The following TENT2 variants were observed in gnomAD, a reference collection of about 807,000 sequenced individuals.
TENT2 encodes terminal nucleotidyltransferase 2, also known as poly(A) RNA polymerase GLD2.
TENT2 carries 44 observed loss-of-function variants against 72.2 expected under a neutral mutation model. The observed-to-expected ratio is 0.61, with a 90% CI of 0.48 to 0.78. TENT2 has a LOEUF of 0.78. Among genes scored for constraint, TENT2 ranks in the 30% least tolerant of loss-of-function variants. The pLI is 0.00. For synonymous variants in TENT2, 212 were observed against 192.5 expected, an observed-to-expected ratio of 1.10 and a Z score of -0.84; for missense variants, 541 against 569.6, an observed-to-expected ratio of 0.95 and a Z score of 0.51.
intron 12 of TENT2, among the ~76,000 whole-genome samples, chr5:79,678,780 A>G (rs182110924): frequency 4.2e-4 from 64 of 152,372 alleles, no homozygotes; most frequent in African/African-American, 1.5e-3. Context: ...AACAAAAACT[A>G]TTTAATAACA....
At chr5:79,641,749 T>G (rs1439308528) in intron 6 of TENT2, among the ~76,000 whole-genome samples, 1 of 152,000 alleles carries the variant, frequency 6.6e-6, no homozygotes, top group African/African-American at 2.4e-5. Flanking sequence ...TGTGTTAATT[T>G]AGTACAGGTT....
intron 12 of TENT2, among the ~76,000 whole-genome samples, chr5:79,671,411 T>C (rs553337914): frequency 4.1e-5 from 6 of 147,956 alleles, no homozygotes; most frequent in African/African-American, 1.5e-4. Flanking sequence ...TTCTTTTTCT[T>C]TTTTTTTTTT....
At chr5:79,618,594 GT>G (rs565501903) in intron 1 of TENT2, among the ~76,000 whole-genome samples, 6 of 149,112 alleles carry the variant, frequency 4.0e-5, no homozygotes, top group South Asian at 2.1e-4. Flanking sequence ...ATTAATCTGA[GT>G]TTTTTTTTTG....
Position 79,648,662 on chromosome 5 carries a change from A to C in TENT2, c.867A>C (p.Arg289Ser), listed in dbSNP as rs761741199. The change falls in exon 9 of 15, where the codon AGA becomes AGC. Residue 289 changes from arginine (R) to serine (S), a missense_variant. By Grantham distance (110) the Arg-to-Ser change is moderately radical. Coordinates refer to ENST00000453514, the MANE Select transcript of TENT2 (RefSeq NM_001114394.3). Reference protein sequence around the residue: ...DLNVNNIVGIRNTFLLRTYAY... With the variant: ...DLNVNNIVGISNTFLLRTYAY... ...ATGTAAACAATATTGTTGGAATAAG[A>C]AACACATTCCTTCTCAGAACTTATG... 6.3e-6 allele frequency: 10 copies of C among 1,597,926 alleles called. No homozygotes were observed. The highest frequency in any genetic ancestry group is 8.5e-6 in the Non-Finnish European group (10 of 1,172,010).
At chr5:79,668,372 CAAAAG>C (rs1451120441) in intron 11 of TENT2, among the ~76,000 whole-genome samples, 6 of 152,000 alleles carry the variant, frequency 3.9e-5, no homozygotes, top group South Asian at 4.2e-4. Context: ...GATACAGAAA[CAAAAG>C]AAAGCAAAAT....
rs774972126 is a variant in TENT2, at chr5:79,685,317, A to T, written c.*44A>T. ...TAAATTCTTCCAAGAAATAAAGAAC[A>T]ATAGTTTCATCATAATACATTATGT... On this transcript the variant is annotated 3_prime_UTR_variant, in exon 15 of 15. Transcript: ENST00000453514. The T allele has an allele frequency of 2.9e-6, 4 of 1,392,292 alleles. No homozygotes were observed. In the African/African-American group the frequency reaches 4.4e-5, roughly 15 times the overall value. 86.2% of individuals were successfully genotyped at this position (1,392,292 alleles called of 1,614,324 possible). A position where few individuals can be genotyped will look rare whatever the true frequency, so the allele number is the denominator to read the frequency against.
chr5:79,625,294 T>C (rs899844613), intron 4 of TENT2, among the ~76,000 whole-genome samples: 3 of 152,252 alleles, frequency 2.0e-5, no homozygotes, highest in Non-Finnish European at 2.9e-5. Flanking sequence ...TTATGCATTC[T>C]ACATATTAGA....
intron 1 of TENT2, among the ~76,000 whole-genome samples, chr5:79,617,899 C>A (rs1761608136): frequency 6.6e-6 from 1 of 152,100 alleles, no homozygotes; most frequent in South Asian, 2.1e-4. Context: ...TCTGAAACTT[C>A]AATATAATAT....
intron 4 of TENT2, among the ~76,000 whole-genome samples, chr5:79,630,317 G>A (rs182348715): frequency 1.3e-5 from 2 of 152,222 alleles, no homozygotes; most frequent in African/African-American, 4.8e-5. Context: ...TGGGAGCCAG[G>A]CGCAGTGGCT....
intron 2 of TENT2, 89 bp from the exon 3 acceptor site, chr5:79,619,905 C>T (rs1763390608): frequency 4.2e-6 from 6 of 1,442,320 alleles, no homozygotes; most frequent in South Asian, 2.6e-5. Context: ...TTTTTTGATA[C>T]GGATGTATTT....
chr5:79,637,469 C>A (rs558973972), intron 4 of TENT2, among the ~76,000 whole-genome samples: 4 of 151,982 alleles, frequency 2.6e-5, no homozygotes, highest in Non-Finnish European at 2.9e-5. Flanking sequence ...CTCTGTTGCC[C>A]AGGCTGGAGT....
At chr5:79,678,833 A>G (rs1198603441) in intron 12 of TENT2, among the ~76,000 whole-genome samples, 1 of 152,230 alleles carries the variant, frequency 6.6e-6, no homozygotes, top group East Asian at 1.9e-4. Flanking sequence ...TTAACAAATA[A>G]CAGATTGTTA....
chr5:79,632,605 G>C (rs1170481896), intron 4 of TENT2, among the ~76,000 whole-genome samples: 1 of 151,964 alleles, frequency 6.6e-6, no homozygotes, highest in Non-Finnish European at 1.5e-5. Flanking sequence ...GGTTTTTCTT[G>C]GTATTGATTG....
chr5:79,685,095 A>G (rs528586018), intron 14 of TENT2, 104 bp from the exon 15 acceptor site: 1 of 913,450 alleles, frequency 1.1e-6, no homozygotes, highest in African/African-American at 1.7e-5. Context: ...ATTATTCAAA[A>G]TTTATCACCT....
At chr5:79,628,547 A>G (rs2150121432) in intron 4 of TENT2, among the ~76,000 whole-genome samples, 1 of 152,318 alleles carries the variant, frequency 6.6e-6, no homozygotes, top group South Asian at 2.1e-4. Context: ...GATAATGTAT[A>G]AGGAAAATTT....
At chr5:79,615,522 T>C (rs1005988402) in intron 1 of TENT2, among the ~76,000 whole-genome samples, 6 of 152,094 alleles carry the variant, frequency 3.9e-5, no homozygotes, top group African/African-American at 1.4e-4. Flanking sequence ...TCAAGCAAAA[T>C]TTGTTACAGT....
chr5:79,669,532 G>A (rs997565206), intron 12 of TENT2, among the ~76,000 whole-genome samples: 2 of 152,064 alleles, frequency 1.3e-5, no homozygotes, highest in African/African-American at 4.8e-5. Context: ...AACAAAGAAT[G>A]TATAATCAGG....
At chr5:79,671,684 C>T (rs1321502944) in intron 12 of TENT2, among the ~76,000 whole-genome samples, 2 of 152,150 alleles carry the variant, frequency 1.3e-5, no homozygotes, top group African/African-American at 2.4e-5. Context: ...GCTAGGATTA[C>T]AGGTGTGAGC....
At chr5:79,673,007 C>T (rs1292310666) in intron 12 of TENT2, among the ~76,000 whole-genome samples, 5 of 152,142 alleles carry the variant, frequency 3.3e-5, no homozygotes, top group Non-Finnish European at 7.3e-5. Flanking sequence ...GAGATGATAC[C>T]TCATTGCAGT....
Sources: allele counts gnomAD v4.1 joint callset (sites outside exome capture counted in the v4.1 genomes callset), GRCh38; gene constraint gnomAD v4.1.1; transcripts MANE v1.5; gene names NCBI Gene and HGNC (gene_info 2026-07-23, HGNC 2026-07-21).